IMMP2L: variants seen among roughly 807,000 people sequenced by gnomAD.
IMMP2L encodes inner mitochondrial membrane peptidase subunit 2.
In IMMP2L, 18 loss-of-function variants were observed where a neutral mutation model predicts 19.3. The observed-to-expected ratio is 0.93, with a 90% confidence interval of 0.64 to 1.38. The LOEUF is 1.38. Among genes scored for constraint, IMMP2L ranks in the 40% most tolerant of loss-of-function variants. The pLI is 0.00. For synonymous variants in IMMP2L, 76 were observed against 73.0 expected, an observed-to-expected ratio of 1.04 and a Z score of -0.21; for missense variants, 233 against 218.2, an observed-to-expected ratio of 1.07 and a Z score of -0.43.
chr7:111,519,065 G>GTTATCTAT, intron 2 of IMMP2L, among the ~76,000 whole-genome samples: 1 of 152,244 alleles, frequency 6.6e-6, no homozygotes, highest in Non-Finnish European at 1.5e-5. Context: ...TAGTTGTATA[G>GTTATCTAT]ATAAGGGCAT....
chr7:111,063,291 T>C (rs1172903216), intron 3 of IMMP2L, among the ~76,000 whole-genome samples: 1 of 152,190 alleles, frequency 6.6e-6, no homozygotes, highest in East Asian at 1.9e-4. Context: ...TGGCCCCTTT[T>C]AGTCATGGCT....
chr7:111,380,234 C>A (rs901685762), intron 3 of IMMP2L, among the ~76,000 whole-genome samples: 1 of 151,862 alleles, frequency 6.6e-6, no homozygotes, highest in African/African-American at 2.4e-5. Flanking sequence ...AGTTTTTAAA[C>A]ATTTATTAAG....
At chr7:111,501,730 A>G (rs1164860120) in intron 2 of IMMP2L, among the ~76,000 whole-genome samples, 5 of 152,166 alleles carry the variant, frequency 3.3e-5, no homozygotes, top group Non-Finnish European at 5.9e-5. Flanking sequence ...ACTAAGCTTC[A>G]TAAGTGAAGG....
intron 2 of IMMP2L, among the ~76,000 whole-genome samples, chr7:111,498,530 A>T (rs1375450583): frequency 1.3e-5 from 2 of 151,964 alleles, no homozygotes; most frequent in East Asian, 3.9e-4. Context: ...ACCTAATTAA[A>T]AAAAAAAAGG....
chr7:110,987,942 T>A (rs948971132), intron 3 of IMMP2L, among the ~76,000 whole-genome samples: 2 of 152,174 alleles, frequency 1.3e-5, no homozygotes, highest in Admixed American at 6.5e-5. Flanking sequence ...TATCCCGTTA[T>A]CAATTTTTAA....
intron 5 of IMMP2L, among the ~76,000 whole-genome samples, chr7:110,787,286 T>C (rs1419412322): frequency 1.3e-5 from 2 of 152,010 alleles, no homozygotes; most frequent in Non-Finnish European, 2.9e-5. Context: ...GATGAGTTAG[T>C]GTATGGACAG....
Position 111,325,849 on chromosome 7 carries a change from A to C in IMMP2L, c.239+161389T>G, listed in dbSNP as rs566772698. ...GTAGTAGATCAAAATGGCATCTCACAGTTGATTCATTTGCATTTCTTTATT... is the reference window on the plus strand; with the variant it reads ...GTAGTAGATCAAAATGGCATCTCACCGTTGATTCATTTGCATTTCTTTATT... On this transcript the variant is annotated intron_variant, in intron 3 of 5. Coordinates refer to ENST00000405709, the MANE Select transcript of IMMP2L (RefSeq NM_032549.4). 3.6e-4 allele frequency among the ~76,000 whole-genome samples: 54 copies of C among 151,870 alleles called. No individual in the cohort carries two copies. In the South Asian group the frequency reaches 3.7e-3, roughly 10 times the overall value.
chr7:111,399,143 T>C (rs1563144681), intron 3 of IMMP2L, among the ~76,000 whole-genome samples: 1 of 152,050 alleles, frequency 6.6e-6, no homozygotes, highest in Non-Finnish European at 1.5e-5. Context: ...CTAAAATTCA[T>C]ATGGAACCAA....
intron 5 of IMMP2L, among the ~76,000 whole-genome samples, chr7:110,683,828 AT>A (rs1366710724): frequency 6.6e-6 from 1 of 151,958 alleles, no homozygotes; most frequent in East Asian, 1.9e-4. Flanking sequence ...TGACTCTGTG[AT>A]TTTTTTCTTT....
chr7:110,769,163 T>C (rs1798873261), intron 5 of IMMP2L, among the ~76,000 whole-genome samples: 1 of 152,228 alleles, frequency 6.6e-6, no homozygotes, highest in South Asian at 2.1e-4. Context: ...TAAATTATTT[T>C]CTTGAATGCT....
chr7:110,954,008 G>A (rs1366071176), intron 4 of IMMP2L, among the ~76,000 whole-genome samples: 4 of 152,030 alleles, frequency 2.6e-5, no homozygotes, highest in African/African-American at 9.7e-5. Flanking sequence ...ACTTTTTGAT[G>A]GTGTTGTTTG....
At chr7:111,224,835 T>C (rs1812906197) in intron 3 of IMMP2L, among the ~76,000 whole-genome samples, 1 of 152,170 alleles carries the variant, frequency 6.6e-6, no homozygotes, top group East Asian at 1.9e-4. Flanking sequence ...TGAGTCATTG[T>C]ACTCTTCACT....
At chr7:111,437,615 T>TATACCATTTATAAAAGAA (rs1563190296) in intron 3 of IMMP2L, among the ~76,000 whole-genome samples, 1 of 151,976 alleles carries the variant, frequency 6.6e-6, no homozygotes, top group East Asian at 1.9e-4. Context: ...TTTTATTTTT[T>TATACCATTTATAAAAGAA]AAATTACCAG....
chr7:111,278,361 G>A (rs971770965), intron 3 of IMMP2L, among the ~76,000 whole-genome samples: 1 of 152,144 alleles, frequency 6.6e-6, no homozygotes, highest in Non-Finnish European at 1.5e-5. Context: ...CAGCTGGAGT[G>A]AACTAGCCTG....
chr7:110,732,678 T>A (rs557452749), intron 5 of IMMP2L, among the ~76,000 whole-genome samples: 1 of 152,210 alleles, frequency 6.6e-6, no homozygotes, highest in African/African-American at 2.4e-5. Flanking sequence ...ATTTTTCTGA[T>A]AGAAAGTTAT....
intron 3 of IMMP2L, among the ~76,000 whole-genome samples, chr7:111,186,938 T>G (rs1191115093): frequency 1.3e-5 from 2 of 151,842 alleles, no homozygotes; most frequent in African/African-American, 4.9e-5. Context: ...GTCCTTGCTT[T>G]TTTTAAAAAA....
At chr7:111,326,673 C>G (rs988732217) in intron 3 of IMMP2L, among the ~76,000 whole-genome samples, 1 of 151,596 alleles carries the variant, frequency 6.6e-6, no homozygotes, top group Non-Finnish European at 1.5e-5. Flanking sequence ...ATGGCTGTTA[C>G]CAAACAAACA....
At chr7:111,434,049 A>C (rs917823280) in intron 3 of IMMP2L, among the ~76,000 whole-genome samples, 4 of 151,936 alleles carry the variant, frequency 2.6e-5, no homozygotes, top group African/African-American at 9.7e-5. Flanking sequence ...AAATTATACT[A>C]CGAGGCTACA....
chr7:110,863,594 A>C (rs1026281289), intron 5 of IMMP2L, among the ~76,000 whole-genome samples: 1 of 151,952 alleles, frequency 6.6e-6, no homozygotes, highest in African/African-American at 2.4e-5. Flanking sequence ...AGATGGTGGC[A>C]CTCTCTCTCA....
Sources: gnomAD v4.1 joint callset for allele counts (sites outside exome capture counted in the v4.1 genomes callset) on GRCh38, gnomAD v4.1.1 for gene constraint, MANE v1.5 for transcripts, NCBI Gene and HGNC (gene_info 2026-07-23, HGNC 2026-07-21) for gene names.